Variants in SMYD2 observed in about 807,000 individuals in gnomAD.
The protein encoded by SMYD2 is N-lysine methyltransferase SMYD2.
Under a neutral mutation model 59.1 loss-of-function variants are expected in SMYD2, and 53 were observed. The observed-to-expected ratio is 0.90, with a 90% CI of 0.72 to 1.13. The LOEUF (loss-of-function observed/expected upper bound fraction) is 1.13. Among genes scored for constraint, SMYD2 ranks in the 50% most tolerant of loss-of-function variants. The pLI is 0.00. For synonymous variants in SMYD2, 208 were observed against 198.8 expected (o/e 1.05, Z -0.39); for missense variants, 494 against 544.7 (o/e 0.91, Z 0.93).
rs1470214921 is a variant in SMYD2, at chr1:214,318,021, T to C, written c.349-58T>C. Reference sequence around the variant, plus strand: ...GTTGATGTAAAAGTGAAAGTGCCACTTTATTACACTGGTTGTTAAAAAATC... The same window carrying C: ...GTTGATGTAAAAGTGAAAGTGCCACCTTATTACACTGGTTGTTAAAAAATC... On this transcript the variant is annotated intron_variant, in intron 3 of 11. Transcript: ENST00000366957. The surrounding 1 kb of genome is among the most constrained non-coding windows in gnomAD (Gnocchi z 5.4). The C allele has an allele frequency of 2.0e-6, 3 of 1,490,720 alleles. No individual in the cohort carries two copies. Among genetic ancestry groups the C allele is most frequent in the Admixed American group, 1.8e-5 (1 of 55,882 alleles). 92.3% of individuals were successfully genotyped at this position (1,490,720 alleles called of 1,614,324 possible).
intron 1 of SMYD2, among the ~76,000 whole-genome samples, chr1:214,290,603 G>A (rs980653784): frequency 4.6e-5 from 7 of 152,106 alleles, no homozygotes; most frequent in African/African-American, 1.7e-4. Flanking sequence ...CCCAGGGGAC[G>A]CGGAGTCACC....
chr1:214,321,533 G>A (rs918560439), intron 5 of SMYD2, among the ~76,000 whole-genome samples: 4 of 152,192 alleles, frequency 2.6e-5, no homozygotes, highest in Non-Finnish European at 5.9e-5. Context: ...CAGCAGCTAC[G>A]TGTCTGCTGT....
Position 214,281,190 on chromosome 1 carries a change from C to G in SMYD2, c.-65C>G. 2.6e-6 allele frequency: 3 copies of G among 1,168,700 alleles called. No homozygotes were observed. Among genetic ancestry groups the G allele is most frequent in the Non-Finnish European group, 3.2e-6 (3 of 935,110 alleles). The allele number at this position is 1,168,700 out of a possible 1,614,324, so 72.4% of individuals were successfully genotyped here. Reference sequence around the variant, plus strand: ...CCCCCCGCAGCTCTAGGTGACGCGTCTCCAATAACAGCTCGCCGGGAGCCG... The same window carrying G: ...CCCCCCGCAGCTCTAGGTGACGCGTGTCCAATAACAGCTCGCCGGGAGCCG... On this transcript the variant is annotated 5_prime_UTR_variant, in exon 1 of 12. Coordinates refer to ENST00000366957, the MANE Select transcript of SMYD2 (RefSeq NM_020197.3).
chr1:214,331,248 G>T, intron 9 of SMYD2, 178 bp downstream of exon 9: 1 of 920,992 alleles, frequency 1.1e-6, no homozygotes. Context: ...CCATCCTGTT[G>T]GAGTTGTATG....
chr1:214,282,868 G>A (rs539559992), intron 1 of SMYD2, among the ~76,000 whole-genome samples: 65 of 152,240 alleles, frequency 4.3e-4, no homozygotes, highest in African/African-American at 1.4e-3. Context: ...AAGTTAAAAA[G>A]GCTGCTGTGA....
intron 1 of SMYD2, among the ~76,000 whole-genome samples, chr1:214,304,736 C>T (rs749453432): frequency 5.3e-5 from 8 of 152,192 alleles, no homozygotes; most frequent in African/African-American, 1.9e-4. Context: ...AGAGTAGGTG[C>T]ACCCCAACAC....
chr1:214,289,658 T>A (rs1248611583), intron 1 of SMYD2, among the ~76,000 whole-genome samples: 2 of 152,260 alleles, frequency 1.3e-5, no homozygotes, highest in Non-Finnish European at 2.9e-5. Flanking sequence ...TGTGTCCTGA[T>A]GATCACTAGG....
chr1:214,288,300 A>G (rs1180963948), intron 1 of SMYD2, among the ~76,000 whole-genome samples: 1 of 152,176 alleles, frequency 6.6e-6, no homozygotes, highest in Non-Finnish European at 1.5e-5. Context: ...GCCTTATTCC[A>G]TTTTACATAG....
At chr1:214,308,915 T>C (rs1656956899) in intron 2 of SMYD2, among the ~76,000 whole-genome samples, 3 of 152,100 alleles carry the variant, frequency 2.0e-5, no homozygotes, top group African/African-American at 2.4e-5. Context: ...TCTGTGGGAA[T>C]GTCAGAGAAA....
At chr1:214,289,825 C>T (rs1275499475) in intron 1 of SMYD2, among the ~76,000 whole-genome samples, 1 of 152,224 alleles carries the variant, frequency 6.6e-6, no homozygotes, top group Non-Finnish European at 1.5e-5. Context: ...GTGGCCTGTT[C>T]TGACACTTGA....
intron 11 of SMYD2, among the ~76,000 whole-genome samples, chr1:214,336,462 G>A (rs1263193664): frequency 1.3e-5 from 2 of 152,238 alleles, no homozygotes; most frequent in African/African-American, 4.8e-5. Flanking sequence ...AACCCGGGAT[G>A]CGGAGCTTGC....
chr1:214,305,580 GTTT>G (rs1432504153), intron 2 of SMYD2, among the ~76,000 whole-genome samples: 2 of 152,172 alleles, frequency 1.3e-5, no homozygotes, highest in Non-Finnish European at 2.9e-5. Flanking sequence ...CTATCTTTAA[GTTT>G]TTAACGTTTT....
chr1:214,310,223 T>G (rs1477360462), intron 2 of SMYD2, among the ~76,000 whole-genome samples: 1 of 152,254 alleles, frequency 6.6e-6, no homozygotes, highest in Non-Finnish European at 1.5e-5. Flanking sequence ...TTTATGCATC[T>G]TTAAGCATTT....
chr1:214,293,615 T>C lies in SMYD2; in HGVS notation c.174-11572T>C, dbSNP rs1379772445. On this transcript the variant is annotated intron_variant, in intron 1 of 11. Coordinates refer to ENST00000366957, the MANE Select transcript of SMYD2 (RefSeq NM_020197.3). ...TTCCAGGTCGTGTGGGCCATTTGGA[T>C]GCTGAATCATTTTGCCTGATATTTA... 3.9e-5 allele frequency among the ~76,000 whole-genome samples: 6 copies of C among 152,208 alleles called. No homozygotes were observed. The East Asian group carries it at 1.2e-3, about 29-fold the overall frequency.
intron 5 of SMYD2, among the ~76,000 whole-genome samples, chr1:214,322,897 C>G (rs1657195706): frequency 6.6e-6 from 1 of 152,076 alleles, no homozygotes; most frequent in African/African-American, 2.4e-5. Flanking sequence ...AGTGCCTGGC[C>G]CAGAGTGAGT....
At chr1:214,299,465 T>TATATATATATATATATA (rs1553254476) in intron 1 of SMYD2, among the ~76,000 whole-genome samples, 10 of 71,578 alleles carry the variant, frequency 1.4e-4, no homozygotes, top group South Asian at 4.1e-4. Flanking sequence ...AAAGAAAACA[T>TATATATATATATATATA]TATATATATA....
chr1:214,283,700 A>G (rs988376605), intron 1 of SMYD2, among the ~76,000 whole-genome samples: 3 of 152,164 alleles, frequency 2.0e-5, no homozygotes, highest in Admixed American at 6.6e-5. Context: ...ATAGGGCCTC[A>G]AAGTATAGGA....
intron 1 of SMYD2, among the ~76,000 whole-genome samples, chr1:214,303,235 C>T (rs1459807828): frequency 6.6e-6 from 1 of 152,126 alleles, no homozygotes; most frequent in East Asian, 1.9e-4. Context: ...CCTGACACAC[C>T]TCTCTGTGGA....
In SMYD2 at chr1:214,281,309, C is replaced by CG; in HGVS notation, c.60dup (p.Leu21AlafsTer115). The CG allele has an allele frequency of 7.2e-7, 1 of 1,398,516 alleles. No individual in the cohort carries two copies. Among genetic ancestry groups the CG allele is most frequent in the South Asian group, 1.7e-5 (1 of 57,400 alleles). 86.6% of individuals were successfully genotyped at this position (1,398,516 alleles called of 1,614,324 possible). On this transcript the variant is annotated frameshift_variant, in exon 1 of 12. Transcript: ENST00000366957. LOFTEE classifies it high-confidence loss of function. ...GCGCTTCTGCAGCCCGGGCAAAGGC[C>CG]GGGGGCTGCGGGCTCTGCAGCCCTT... is the stretch of plus-strand genomic sequence containing the variant.
Sources: gnomAD v4.1 joint callset for allele counts (sites outside exome capture counted in the v4.1 genomes callset) on GRCh38, gnomAD v4.1.1 for gene constraint, Gnocchi (gnomAD v3.1) non-coding constraint, MANE v1.5 for transcripts, NCBI Gene and HGNC (gene_info 2026-07-23, HGNC 2026-07-21) for gene names.